Variants in BBS9 observed in about 807,000 individuals in gnomAD.
BBS9 encodes the protein Bardet-Biedl syndrome 9.
In BBS9, 89 loss-of-function variants were observed where a neutral mutation model predicts 117.7. The ratio of observed to expected loss-of-function variants is 0.76; its 90% CI spans 0.64 to 0.90. BBS9 has a LOEUF of 0.90. Among genes scored for constraint, BBS9 ranks in the 40% least tolerant of loss-of-function variants. The probability of loss-of-function intolerance (pLI) is 0.00; values close to 1 mark genes in which losing one functional copy is unlikely to be tolerated. For missense variants in BBS9, 982 were observed against 1,042.2 expected (o/e 0.94, Z 0.80); for synonymous variants, 379 against 370.9 (o/e 1.02, Z -0.25).
At chr7:33,473,906 A>G (rs1841441733) in intron 19 of BBS9, among the ~76,000 whole-genome samples, 1 of 152,214 alleles carries the variant, frequency 6.6e-6, no homozygotes, top group South Asian at 2.1e-4. Context: ...ACCTAGTCCA[A>G]TGCCAGGTTC....
At chr7:33,569,717 G>A (rs527967389) in intron 21 of BBS9, among the ~76,000 whole-genome samples, 13 of 152,196 alleles carry the variant, frequency 8.5e-5, no homozygotes, top group African/African-American at 1.7e-4. Context: ...AGCCGAGATC[G>A]CGCCACTGCA....
intron 9 of BBS9, among the ~76,000 whole-genome samples, chr7:33,282,420 T>A (rs1438928639): frequency 6.6e-6 from 1 of 152,294 alleles, no homozygotes; most frequent in African/African-American, 2.4e-5. Flanking sequence ...TTGCCCAGAC[T>A]GGAGTGCAGT....
chr7:33,427,467 C>T (rs777040095), intron 19 of BBS9, among the ~76,000 whole-genome samples: 6 of 152,218 alleles, frequency 3.9e-5, no homozygotes, highest in African/African-American at 4.8e-5. Context: ...CTCCTTTGAG[C>T]CAATTAATCT....
chr7:33,344,498 T>C, intron 11 of BBS9, 83 bp from the exon 12 acceptor site: 3 of 1,177,974 alleles, frequency 2.5e-6, no homozygotes, highest in Non-Finnish European at 3.8e-6. Flanking sequence ...TAGTAGGAAA[T>C]ATACATTGCA....
At chr7:33,223,266 A>C (rs1184919072) in intron 5 of BBS9, among the ~76,000 whole-genome samples, 1 of 152,160 alleles carries the variant, frequency 6.6e-6, no homozygotes, top group Admixed American at 6.5e-5. Flanking sequence ...AAGCTAATTA[A>C]CATATCTATC....
At chr7:33,619,638 A>T (rs1157334534) in intron 21 of BBS9, among the ~76,000 whole-genome samples, 1 of 152,212 alleles carries the variant, frequency 6.6e-6, no homozygotes, top group African/African-American at 2.4e-5. Context: ...ATCCAAGAAG[A>T]TTGACATAAT....
chr7:33,335,391 A>C (rs1287907842), intron 9 of BBS9, among the ~76,000 whole-genome samples: 3 of 152,154 alleles, frequency 2.0e-5, no homozygotes, highest in Non-Finnish European at 4.4e-5. Flanking sequence ...TCTAACCTTT[A>C]GAACCAAGTA....
intron 20 of BBS9, among the ~76,000 whole-genome samples, chr7:33,528,961 C>A (rs186146945): frequency 1.3e-5 from 2 of 152,234 alleles, no homozygotes; most frequent in Non-Finnish European, 2.9e-5. Flanking sequence ...CTTGCTTGAT[C>A]TGGTATTTAG....
intron 19 of BBS9, among the ~76,000 whole-genome samples, chr7:33,449,655 G>A (rs144440795): frequency 9.6e-4 from 146 of 152,252 alleles, no homozygotes; most frequent in Middle Eastern, 3.4e-3. Context: ...CTGTGTTAGA[G>A]TACAAAGACA....
intron 21 of BBS9, among the ~76,000 whole-genome samples, chr7:33,547,074 A>G (rs1853508717): frequency 6.6e-6 from 1 of 152,176 alleles, no homozygotes; most frequent in African/African-American, 2.4e-5. Flanking sequence ...TGCAAAAATA[A>G]TACATACAAT....
chr7:33,246,245 T>C (rs1404872015), intron 5 of BBS9, among the ~76,000 whole-genome samples: 1 of 151,976 alleles, frequency 6.6e-6, no homozygotes, highest in African/African-American at 2.4e-5. Flanking sequence ...TTTAAAACCA[T>C]GTAAGTTTAA....
intron 16 of BBS9, among the ~76,000 whole-genome samples, chr7:33,364,687 C>T (rs1371337849): frequency 9.5e-6 from 1 of 105,700 alleles, no homozygotes; most frequent in Non-Finnish European, 1.9e-5. Flanking sequence ...CCTTTCCCCC[C>T]TCCCCCTCCG....
At chr7:33,209,374 T>G (rs1468585251) in intron 5 of BBS9, among the ~76,000 whole-genome samples, 1 of 152,228 alleles carries the variant, frequency 6.6e-6, no homozygotes, top group African/African-American at 2.4e-5. Flanking sequence ...CTTCTAAATC[T>G]TGGCTATTGT....
chr7:33,405,779 T>C (rs1829838035), intron 19 of BBS9, among the ~76,000 whole-genome samples: 1 of 152,206 alleles, frequency 6.6e-6, no homozygotes, highest in Non-Finnish European at 1.5e-5. Context: ...ATTTTGTTGA[T>C]CTTTTCAAAA....
In BBS9 at chr7:33,304,935, G is replaced by A. The variant is rs897527295; in HGVS notation, c.1016+30979G>A. ...TTTGTTAAACAGATGCTTGAAGGCA[G>A]CATGCTCGTTAAGAGTCATCACCAC... is the stretch of plus-strand genomic sequence containing the variant. On this transcript the variant is annotated intron_variant, in intron 9 of 22. Transcript: ENST00000242067. 2.0e-5 allele frequency among the ~76,000 whole-genome samples: 3 copies of A among 152,150 alleles called. No individual in the cohort carries two copies. The East Asian group carries it at 5.8e-4, about 29-fold the overall frequency.
intron 17 of BBS9, chr7:33,380,180 G>T: frequency 5.8e-6 from 1 of 170,956 alleles, no homozygotes; most frequent in African/African-American, 2.4e-5. Context: ...GCGGAGGCAT[G>T]GGGAAAGATA....
At chr7:33,180,021 G>A (rs1232267347) in intron 5 of BBS9, among the ~76,000 whole-genome samples, 1 of 152,088 alleles carries the variant, frequency 6.6e-6, no homozygotes, top group Non-Finnish European at 1.5e-5. Flanking sequence ...CTGGTCACCT[G>A]CTCTGTCCTG....
At chr7:33,618,953 T>A (rs1231219994) in intron 21 of BBS9, among the ~76,000 whole-genome samples, 2 of 151,950 alleles carry the variant, frequency 1.3e-5, no homozygotes, top group African/African-American at 4.8e-5. Flanking sequence ...AGAGGAAGAA[T>A]AGAACAAAAG....
intron 20 of BBS9, among the ~76,000 whole-genome samples, chr7:33,525,951 C>G (rs1011251213): frequency 9.2e-5 from 14 of 151,478 alleles, no homozygotes; most frequent in African/African-American, 3.4e-4. Flanking sequence ...CTGGTGGTGA[C>G]AAAATCTCTC....
Sources: gnomAD v4.1 joint callset for allele counts (sites outside exome capture counted in the v4.1 genomes callset) on GRCh38, gnomAD v4.1.1 for gene constraint, MANE v1.5 for transcripts, NCBI Gene and HGNC (gene_info 2026-07-23, HGNC 2026-07-21) for gene names.